The following CD2AP variants were observed in gnomAD, a reference collection of about 807,000 sequenced individuals.
CD2AP encodes the protein CD2 associated protein, also known as CD2-associated protein.
CD2AP carries 46 observed loss-of-function variants against 85.1 expected under a neutral mutation model. That is an observed-to-expected ratio of 0.54 (90% CI 0.43 to 0.69). The LOEUF is 0.69. Ranked by LOEUF, CD2AP falls within the 30% of genes least tolerant of loss-of-function variation. The pLI is 0.00. For missense variants in CD2AP, 769 were observed against 729.5 expected (o/e 1.05, Z -0.62); for synonymous variants, 255 against 252.9 (o/e 1.01, Z -0.08).
chr6:47,483,821 C>G (rs1034146969), intron 1 of CD2AP, among the ~76,000 whole-genome samples: 1 of 134,124 alleles, frequency 7.5e-6, no homozygotes, highest in Admixed American at 7.6e-5. Flanking sequence ...GCTCCTGTCT[C>G]TTTTTCACCT....
At chr6:47,560,873 A>T (rs1399299234) in intron 5 of CD2AP, among the ~76,000 whole-genome samples, 1 of 152,178 alleles carries the variant, frequency 6.6e-6, no homozygotes, top group Non-Finnish European at 1.5e-5. Context: ...TTACTCAAAT[A>T]GTTGTTACTA....
At position 47,511,156 on chromosome 6, in the gene CD2AP, G is replaced by A. The variant is rs143266548; in HGVS notation, c.165+7716G>A. On this transcript the variant is annotated intron_variant, in intron 2 of 17. Coordinates refer to ENST00000359314, the MANE Select transcript of CD2AP (RefSeq NM_012120.3). ...TAGTAGCTTTTAATGGAGAAACTTC[G>A]CAAATACTGCCTTTACCAAGTGGTC... Among the ~76,000 whole-genome samples, 868 of 146,078 alleles carry A rather than the reference G, an allele frequency of 5.9e-3. 7 individuals are homozygous for A. The highest frequency in any genetic ancestry group is 0.022 in the Middle Eastern group (6 of 268).
chr6:47,478,173 G>C lies in CD2AP; in HGVS notation c.-72G>C, dbSNP rs911968349. The C allele has an allele frequency of 1.8e-5, 28 of 1,544,830 alleles. No homozygotes were observed. In the Admixed American group the frequency reaches 4.9e-4, roughly 27 times the overall value. ...GGGTCCCGCCTCCAGCCGCGGGAGC[G>C]GCCGCGCGAGCCACCACTGGAGGAG... On this transcript the variant is annotated 5_prime_UTR_variant, in exon 1 of 18. Coordinates refer to ENST00000359314, the MANE Select transcript of CD2AP (RefSeq NM_012120.3).
chr6:47,516,991 A>G (rs547573948), intron 2 of CD2AP, among the ~76,000 whole-genome samples: 2 of 152,106 alleles, frequency 1.3e-5, no homozygotes, highest in Non-Finnish European at 2.9e-5. Flanking sequence ...GATTCCTAAT[A>G]TGGGAGGTGG....
intron 11 of CD2AP, among the ~76,000 whole-genome samples, chr6:47,586,910 A>G (rs1582593558): frequency 6.6e-6 from 1 of 152,190 alleles, no homozygotes; most frequent in East Asian, 1.9e-4. Context: ...AGGTTAAACA[A>G]GAGAAGGCAT....
chr6:47,564,506 C>T (rs1264392216), intron 5 of CD2AP, among the ~76,000 whole-genome samples: 2 of 152,048 alleles, frequency 1.3e-5, no homozygotes, highest in African/African-American at 4.8e-5. Context: ...TTAGTAACTG[C>T]GCAGAATTTT....
At chr6:47,601,173 A>G (rs1484517149) in intron 13 of CD2AP, among the ~76,000 whole-genome samples, 1 of 151,882 alleles carries the variant, frequency 6.6e-6, no homozygotes, top group African/African-American at 2.4e-5. Flanking sequence ...TGATGATTGG[A>G]AAGTTCTGTT....
intron 2 of CD2AP, among the ~76,000 whole-genome samples, chr6:47,531,681 C>G (rs1766879319): frequency 6.6e-6 from 1 of 151,962 alleles, no homozygotes; most frequent in African/African-American, 2.4e-5. Context: ...TTTTAAAAAA[C>G]TATAGCTAGT....
intron 1 of CD2AP, among the ~76,000 whole-genome samples, chr6:47,479,477 T>C (rs1232038675): frequency 3.9e-5 from 6 of 152,192 alleles, no homozygotes; most frequent in Non-Finnish European, 5.9e-5. Context: ...ACCTCCCTCC[T>C]TTCAGGTAAC....
intron 5 of CD2AP, chr6:47,563,050 A>G (rs566634749): frequency 2.7e-5 from 8 of 294,912 alleles, no homozygotes; most frequent in Non-Finnish European, 4.5e-5. Flanking sequence ...CACATTTAAA[A>G]ATTTAGTTTG....
intron 2 of CD2AP, among the ~76,000 whole-genome samples, chr6:47,526,097 G>A (rs1413272788): frequency 6.6e-6 from 1 of 152,106 alleles, no homozygotes; most frequent in Non-Finnish European, 1.5e-5. Flanking sequence ...GGCAGAGGAA[G>A]GAATAAACAC....
chr6:47,601,810 A>G (rs1304427200), intron 13 of CD2AP, among the ~76,000 whole-genome samples: 1 of 152,028 alleles, frequency 6.6e-6, no homozygotes, highest in East Asian at 1.9e-4. Flanking sequence ...TGAAAATTTC[A>G]TTATTAGGCA....
intron 11 of CD2AP, among the ~76,000 whole-genome samples, chr6:47,587,059 T>C (rs1047332065): frequency 3.3e-5 from 5 of 152,176 alleles, no homozygotes; most frequent in African/African-American, 1.2e-4. Flanking sequence ...AGAGGGCCAG[T>C]TGAATATTAA....
At chr6:47,618,538 A>G (rs1454820656) in intron 17 of CD2AP, among the ~76,000 whole-genome samples, 1 of 152,018 alleles carries the variant, frequency 6.6e-6, no homozygotes, top group Non-Finnish European at 1.5e-5. Flanking sequence ...ATTATTGACA[A>G]ATTAATGAAA....
Position 47,566,301 on chromosome 6 carries a change from A to AATATATAT in CD2AP, c.542-7747_542-7740dup, listed in dbSNP as rs71831752. 6.2e-3 allele frequency among the ~76,000 whole-genome samples: 681 copies of AATATATAT among 110,158 alleles called. 17 individuals carry two copies. Among genetic ancestry groups the AATATATAT allele is most frequent in the East Asian group, 0.025 (107 of 4,206 alleles). 72.3% of individuals were successfully genotyped at this position (110,158 alleles called of 152,430 possible). On this transcript the variant is annotated intron_variant, in intron 5 of 17. Coordinates refer to ENST00000359314, the MANE Select transcript of CD2AP (RefSeq NM_012120.3). ...TATTGTCTGTCTACCTGCTCATTAG[A>AATATATAT]ATATATATATATATATATATATACA...
chr6:47,611,992 T>C (rs1769454033), intron 16 of CD2AP, among the ~76,000 whole-genome samples: 1 of 152,128 alleles, frequency 6.6e-6, no homozygotes, highest in South Asian at 2.1e-4. Flanking sequence ...GACTATTGGC[T>C]AGAGTTTTTA....
chr6:47,525,582 A>G (rs574216100), intron 2 of CD2AP, among the ~76,000 whole-genome samples: 105 of 152,320 alleles, frequency 6.9e-4, no homozygotes, highest in African/African-American at 2.5e-3. Flanking sequence ...TTATATGGAC[A>G]TATTACAACA....
intron 5 of CD2AP, among the ~76,000 whole-genome samples, chr6:47,566,763 C>T (rs918687917): frequency 5.3e-5 from 8 of 152,238 alleles, no homozygotes; most frequent in South Asian, 4.1e-4. Context: ...TGGCTTCCAG[C>T]GTCATCCATG....
In CD2AP at chr6:47,514,274, G is replaced by A. The variant is rs202082790; in HGVS notation, c.165+10834G>A. ...AAAGATATGAATAGTCTACTTCATT[G>A]ATCTTTTTTAAGTCATTTCATTTTT... is the stretch of plus-strand genomic sequence containing the variant. On this transcript the variant is annotated intron_variant, in intron 2 of 17. Transcript: ENST00000359314. Among the ~76,000 whole-genome samples the A allele has an allele frequency of 2.6e-5, 4 of 152,082 alleles. No homozygotes were observed. In the East Asian group the frequency reaches 7.7e-4, roughly 29 times the overall value.
Sources: gnomAD v4.1 joint callset for allele counts (sites outside exome capture counted in the v4.1 genomes callset) on GRCh38, gnomAD v4.1.1 for gene constraint, MANE v1.5 for transcripts, NCBI Gene and HGNC (gene_info 2026-07-23, HGNC 2026-07-21) for gene names.